Variants in CSMD3 observed in about 807,000 individuals in gnomAD.
CSMD3 encodes the protein CUB and sushi domain-containing protein 3.
In CSMD3, 177 loss-of-function variants were observed where a neutral mutation model predicts 435.2. That is an observed-to-expected ratio of 0.41 (90% CI 0.36 to 0.46). CSMD3 has a LOEUF of 0.46. CSMD3 is among the 20% of genes least tolerant of loss of function. The pLI, the probability that CSMD3 is intolerant of heterozygous loss-of-function variation, is 0.34. For missense variants in CSMD3, 4,265 were observed against 4,504.6 expected (o/e 0.95, Z 1.52); for synonymous variants, 1,656 against 1,520.5 (o/e 1.09, Z -2.07).
chr8:113,384,887 C>G (rs888956674), intron 1 of CSMD3, among the ~76,000 whole-genome samples: 7 of 152,128 alleles, frequency 4.6e-5, no homozygotes, highest in Non-Finnish European at 1.0e-4. Flanking sequence ...CCAGCCTGGG[C>G]ACCCAAAACA....
intron 4 of CSMD3, among the ~76,000 whole-genome samples, chr8:113,151,431 T>C (rs2091803115): frequency 6.6e-6 from 1 of 151,826 alleles, no homozygotes; most frequent in African/African-American, 2.4e-5. Context: ...ACAAATAATA[T>C]GCACAGCACT....
intron 12 of CSMD3, among the ~76,000 whole-genome samples, chr8:112,801,179 G>C (rs767134857): frequency 1.3e-5 from 2 of 151,972 alleles, no homozygotes; most frequent in Non-Finnish European, 2.9e-5. Context: ...AAACCATAAG[G>C]ATTGCTGGAA....
chr8:113,024,729 C>T (rs2086808892), intron 5 of CSMD3, among the ~76,000 whole-genome samples: 1 of 151,994 alleles, frequency 6.6e-6, no homozygotes, highest in Admixed American at 6.6e-5. Context: ...TTTCACACAC[C>T]TGTTGGCCAC....
intron 16 of CSMD3, among the ~76,000 whole-genome samples, chr8:112,677,634 T>C (rs984174345): frequency 6.6e-6 from 1 of 150,986 alleles, no homozygotes; most frequent in Non-Finnish European, 1.5e-5. Flanking sequence ...TTGCAGAGAG[T>C]ACTTTGAATT....
chr8:112,280,473 T>A (rs544842865), intron 59 of CSMD3, among the ~76,000 whole-genome samples: 1 of 151,854 alleles, frequency 6.6e-6, no homozygotes, highest in African/African-American at 2.4e-5. Flanking sequence ...GTTTTTGCCA[T>A]GTTTCCCAGG....
intron 31 of CSMD3, among the ~76,000 whole-genome samples, chr8:112,475,984 C>T (rs1290602029): frequency 2.0e-5 from 3 of 152,120 alleles, no homozygotes; most frequent in Non-Finnish European, 4.4e-5. Context: ...AACATAAGAA[C>T]CCACTGCTCC....
intron 32 of CSMD3, among the ~76,000 whole-genome samples, chr8:112,456,643 C>T (rs2130643327): frequency 6.6e-6 from 1 of 152,062 alleles, no homozygotes; most frequent in East Asian, 1.9e-4. Flanking sequence ...TTGATACTTA[C>T]AAAAATGTTA....
At chr8:112,469,655 T>A (rs2130735542) in intron 32 of CSMD3, among the ~76,000 whole-genome samples, 1 of 152,210 alleles carries the variant, frequency 6.6e-6, no homozygotes, top group Non-Finnish European at 1.5e-5. Context: ...CCTATGGGAA[T>A]CTAACGCCAC....
chr8:113,376,953 G>A (rs2133083948), intron 1 of CSMD3: 2 of 1,358,848 alleles, frequency 1.5e-6, no homozygotes, highest in Middle Eastern at 2.9e-4. Flanking sequence ...TTCAGGAGGT[G>A]CCCAAACTAA....
intron 9 of CSMD3, among the ~76,000 whole-genome samples, chr8:112,940,917 A>G (rs1263910884): frequency 6.6e-6 from 1 of 151,876 alleles, no homozygotes; most frequent in Non-Finnish European, 1.5e-5. Flanking sequence ...TGCTGTTTTA[A>G]TCAATTCAAT....
intron 5 of CSMD3, among the ~76,000 whole-genome samples, chr8:113,028,901 T>C (rs2086975334): frequency 6.6e-6 from 1 of 151,524 alleles, no homozygotes; most frequent in Admixed American, 6.6e-5. Context: ...CTAAAATAAT[T>C]GATGAAGGTG....
intron 47 of CSMD3, among the ~76,000 whole-genome samples, chr8:112,317,124 A>C (rs1822548388): frequency 6.6e-6 from 1 of 151,950 alleles, no homozygotes; most frequent in Middle Eastern, 3.2e-3. Context: ...TATTAACTTT[A>C]TTAGCTAGTA....
intron 13 of CSMD3, among the ~76,000 whole-genome samples, chr8:112,751,245 C>T (rs1270890426): frequency 1.3e-5 from 2 of 152,068 alleles, no homozygotes; most frequent in African/African-American, 4.8e-5. Context: ...TGAGAACAGA[C>T]TAATACAGTT....
chr8:112,707,563 G>A (rs558202270), intron 13 of CSMD3, among the ~76,000 whole-genome samples: 2 of 152,032 alleles, frequency 1.3e-5, no homozygotes, highest in South Asian at 4.2e-4. Flanking sequence ...AGGCAATTTG[G>A]AAAATTGGTG....
chr8:112,778,465 T>C (rs1287954038), intron 13 of CSMD3, among the ~76,000 whole-genome samples: 1 of 151,994 alleles, frequency 6.6e-6, no homozygotes, highest in Non-Finnish European at 1.5e-5. Flanking sequence ...ATATAGTATG[T>C]AGACTTCTCA....
At chr8:112,395,610 G>T (rs1830790760) in intron 35 of CSMD3, among the ~76,000 whole-genome samples, 1 of 152,080 alleles carries the variant, frequency 6.6e-6, no homozygotes. Context: ...GCTAATTAAA[G>T]ACTCTTTGCC....
intron 5 of CSMD3, among the ~76,000 whole-genome samples, chr8:113,093,364 T>C (rs1209216203): frequency 2.6e-5 from 4 of 151,948 alleles, no homozygotes; most frequent in Non-Finnish European, 5.9e-5. Flanking sequence ...TGAAAGGATA[T>C]AGTCAGTGAG....
At chr8:112,423,386 C>T (rs1426394505) in intron 32 of CSMD3, among the ~76,000 whole-genome samples, 1 of 152,112 alleles carries the variant, frequency 6.6e-6, no homozygotes, top group Non-Finnish European at 1.5e-5. Flanking sequence ...TCCAAACAGC[C>T]ACATTTTTAT....
intron 2 of CSMD3, among the ~76,000 whole-genome samples, chr8:113,300,085 C>T (rs1261441691): frequency 6.9e-6 from 1 of 144,622 alleles, no homozygotes; most frequent in Non-Finnish European, 1.5e-5. Flanking sequence ...ACCCAGGAGG[C>T]GGAGGCTGCA....
Sources: gnomAD v4.1 joint callset for allele counts (sites outside exome capture counted in the v4.1 genomes callset) on GRCh38, gnomAD v4.1.1 for gene constraint, MANE v1.5 for transcripts, NCBI Gene and HGNC (gene_info 2026-07-23, HGNC 2026-07-21) for gene names.